BIN1: variants seen among roughly 807,000 people sequenced by gnomAD.
The protein encoded by BIN1 is myc box-dependent-interacting protein 1.
BIN1 carries 53 observed loss-of-function variants against 82.0 expected under a neutral mutation model. The ratio of observed to expected loss-of-function variants is 0.65; its 90% CI spans 0.52 to 0.81. BIN1 has a LOEUF of 0.81. Among genes scored for constraint, BIN1 ranks in the 40% least tolerant of loss-of-function variants. The pLI is 0.00. For missense variants in BIN1, 642 were observed against 784.4 expected, an observed-to-expected ratio of 0.82 and a Z score of 2.17; for synonymous variants, 302 against 328.0, an observed-to-expected ratio of 0.92 and a Z score of 0.86.
At chr2:127,101,653 G>A (rs966865775) in intron 1 of BIN1, among the ~76,000 whole-genome samples, 1 of 152,164 alleles carries the variant, frequency 6.6e-6, no homozygotes, top group African/African-American at 2.4e-5. Flanking sequence ...ATGAATAAAG[G>A]AATGAACACA....
chr2:127,053,451 C>A lies in BIN1; in HGVS notation c.1240-6G>T, dbSNP rs548956444. ...CAGAGGTCCCATGGAATTGACTGAG[C>A]GCAGCAGTGAGGGCGAGAAGGACAG... On this transcript the variant is annotated splice_polypyrimidine_tract_variant and splice_region_variant and intron_variant, in intron 13 of 18. Transcript: ENST00000316724. 8 of 1,613,696 alleles carry A rather than the reference C, an allele frequency of 5.0e-6. No individual in the cohort carries two copies. In the Admixed American group the frequency reaches 6.7e-5, roughly 13 times the overall value.
intron 13 of BIN1, chr2:127,053,688 G>C: frequency 2.8e-6 from 2 of 712,244 alleles, no homozygotes; most frequent in Non-Finnish European, 4.9e-6. Flanking sequence ...AAAGTTGCCA[G>C]GAAGTGTTCA....
At chr2:127,106,718 C>A (rs1426972743) in intron 1 of BIN1, 142 bp downstream of exon 1, 3 of 1,020,742 alleles carry the variant, frequency 2.9e-6, no homozygotes, top group Non-Finnish European at 4.2e-6. Context: ...GACCTCGAAG[C>A]CCCTCGAAAG....
rs756942950 is a variant in BIN1, at chr2:127,082,753, G to A, written c.85-6047C>T. Among the ~76,000 whole-genome samples the A allele has an allele frequency of 4.6e-5, 7 of 151,906 alleles. No individual in the cohort carries two copies. Among genetic ancestry groups the A allele is most frequent in the Admixed American group, 1.3e-4 (2 of 15,264 alleles). On this transcript the variant is annotated intron_variant, in intron 1 of 18. Transcript: ENST00000316724. The surrounding 1 kb of genome is among the most constrained non-coding windows in gnomAD (Gnocchi z 6.1). Reference sequence around the variant, plus strand: ...ACCAGACACACAGGACCCCTCTCCCGGCTGCTGCTCACACCTCCCCATCCC... The same window carrying A: ...ACCAGACACACAGGACCCCTCTCCCAGCTGCTGCTCACACCTCCCCATCCC...
intron 1 of BIN1, among the ~76,000 whole-genome samples, chr2:127,099,811 C>A (rs1334649780): frequency 1.4e-5 from 2 of 146,180 alleles, no homozygotes; most frequent in Non-Finnish European, 3.0e-5. Context: ...TGCGCCTGGC[C>A]TTTTTTTTTT....
At chr2:127,053,587 C>T in intron 13 of BIN1, 142 bp from the exon 14 acceptor site, 2 of 1,148,222 alleles carry the variant, frequency 1.7e-6, no homozygotes, top group Non-Finnish European at 2.6e-6. Flanking sequence ...GCCAGGTAGA[C>T]TCCAAGATTT....
chr2:127,069,186 G>C (rs557851797), intron 5 of BIN1, among the ~76,000 whole-genome samples, 155 bp from the exon 6 acceptor site: 1 of 152,294 alleles, frequency 6.6e-6, no homozygotes, highest in Non-Finnish European at 1.5e-5. Flanking sequence ...TCGTGGCAGA[G>C]AGCTCACCCC....
intron 1 of BIN1, among the ~76,000 whole-genome samples, chr2:127,105,401 G>A (rs997894820): frequency 6.7e-6 from 1 of 148,236 alleles, no homozygotes; most frequent in African/African-American, 2.5e-5. Flanking sequence ...CATCTGTGCT[G>A]CCACCCCCCC....
At chr2:127,104,740 A>G (rs965380311) in intron 1 of BIN1, among the ~76,000 whole-genome samples, 2 of 152,230 alleles carry the variant, frequency 1.3e-5, no homozygotes, top group African/African-American at 4.8e-5. Context: ...ATGATGGCAC[A>G]GACTCTACAG....
intron 1 of BIN1, among the ~76,000 whole-genome samples, chr2:127,103,977 C>T (rs978656153): frequency 6.6e-6 from 1 of 152,206 alleles, no homozygotes; most frequent in African/African-American, 2.4e-5. Context: ...GCCCTGGCAA[C>T]CCTTCCAATT....
Position 127,054,038 on chromosome 2 carries a change from G to A in BIN1, c.1132-26C>T, listed in dbSNP as rs549480940. 1.2e-5 allele frequency: 18 copies of A among 1,545,274 alleles called. 1 individual carries two copies. In the South Asian group the frequency reaches 2.1e-4, roughly 18 times the overall value. ...CTTGGCAGCAGCAGCAGCAGCAGAG[G>A]AGGAAGCAGTTAGTGTTAAGCTGGG... On this transcript the variant is annotated intron_variant, in intron 12 of 18. Transcript: ENST00000316724.
At chr2:127,049,435 G>A (rs528571041) in intron 18 of BIN1, among the ~76,000 whole-genome samples, 4 of 152,100 alleles carry the variant, frequency 2.6e-5, no homozygotes, top group Admixed American at 6.5e-5. Context: ...CTCCTGCCCC[G>A]GACCTCAATA....
chr2:127,067,610 C>G lies in BIN1; in HGVS notation c.612+553G>C, dbSNP rs1685312263. ...TGGAGGGTCCTCCCAGTAACTCCTCCAGAGTCACCACGGGGACCACAAGTC... is the reference window on the plus strand; with the variant it reads ...TGGAGGGTCCTCCCAGTAACTCCTCGAGAGTCACCACGGGGACCACAAGTC... On this transcript the variant is annotated intron_variant, in intron 7 of 18. Coordinates refer to ENST00000316724, the MANE Select transcript of BIN1 (RefSeq NM_139343.3). The surrounding 1 kb of genome is among the most constrained non-coding windows in gnomAD (Gnocchi z 4.7). Among the ~76,000 whole-genome samples the G allele has an allele frequency of 6.6e-6, 1 of 152,206 alleles. No individual in the cohort carries two copies. The highest frequency in any genetic ancestry group is 1.5e-5 in the Non-Finnish European group (1 of 68,032).
At chr2:127,101,101 G>A (rs1001189662) in intron 1 of BIN1, among the ~76,000 whole-genome samples, 3 of 151,704 alleles carry the variant, frequency 2.0e-5, no homozygotes, top group African/African-American at 4.9e-5. Context: ...GGGCAGCAGA[G>A]GCCATCTTTG....
At chr2:127,104,731 T>G (rs1429420081) in intron 1 of BIN1, among the ~76,000 whole-genome samples, 2 of 152,046 alleles carry the variant, frequency 1.3e-5, no homozygotes, top group Non-Finnish European at 2.9e-5. Flanking sequence ...GACCCTCCAA[T>G]GATGGCACAG....
chr2:127,061,806 C>T (rs1684530548), intron 10 of BIN1, among the ~76,000 whole-genome samples: 1 of 152,154 alleles, frequency 6.6e-6, no homozygotes, highest in Admixed American at 6.5e-5. Flanking sequence ...GTCCCCAAAG[C>T]TGAGCAGGCT....
In BIN1 at chr2:127,062,151, T is replaced by A; in HGVS notation, c.821A>T (p.His274Leu). ...CTTGACCGTGAAGGTGTTGCTCCCG[T>A]GTTGCTTCTCCAGGCCGACCAGCAC... ...NDVLVGLEKQ[H>L]GSNTFTVKAQ... is the part of the protein sequence containing the mutation. Residue 274 changes from histidine (H) to leucine (L), a missense_variant, in exon 10 of 19, where the codon CAC becomes CTC. By Grantham distance (99) the His-to-Leu change is moderately conservative (BLOSUM62 -3). Transcript: ENST00000316724. 1 of 1,611,340 alleles carries A rather than the reference T, an allele frequency of 6.2e-7. No homozygotes were observed. The highest frequency in any genetic ancestry group is 8.5e-7 in the Non-Finnish European group (1 of 1,179,002).
At chr2:127,080,981 C>T (rs1366554832) in intron 1 of BIN1, among the ~76,000 whole-genome samples, 6 of 152,222 alleles carry the variant, frequency 3.9e-5, no homozygotes, top group South Asian at 2.1e-4. Context: ...GGGAGCATCC[C>T]GTGGGTGGGT....
intron 10 of BIN1, chr2:127,060,767 G>C: frequency 8.0e-7 from 1 of 1,257,354 alleles, no homozygotes; most frequent in Non-Finnish European, 1.1e-6. Context: ...CCTCTCCTAA[G>C]TGCCAGAGGC....
Sources: allele counts gnomAD v4.1 joint callset (sites outside exome capture counted in the v4.1 genomes callset), GRCh38; gene constraint gnomAD v4.1.1; non-coding constraint Gnocchi (gnomAD v3.1); transcripts MANE v1.5; gene names NCBI Gene and HGNC (gene_info 2026-07-23, HGNC 2026-07-21).